Variants in SPMIP7 observed in about 807,000 individuals in gnomAD.
SPMIP7 encodes protein SPMIP7.
the SPMIP7 span, among the ~76,000 whole-genome samples, chr7:50,116,659 T>C: frequency 6.6e-6 from 1 of 152,328 alleles, no homozygotes; most frequent in Middle Eastern, 3.4e-3. Context: ...TTAAAAAGTT[T>C]AGAGCTTCCT....
the SPMIP7 span, among the ~76,000 whole-genome samples, chr7:50,145,630 A>ATG: frequency 2.4e-5 from 2 of 84,180 alleles, 1 homozygote; most frequent in Non-Finnish European, 4.5e-5. Context: ...ATATATATAT[A>ATG]TATATATATA....
chr7:50,105,536 C>T, the SPMIP7 span, among the ~76,000 whole-genome samples: 5 of 152,216 alleles, frequency 3.3e-5, no homozygotes, highest in East Asian at 3.9e-4. Flanking sequence ...TGGGGCATAC[C>T]TCTCACATAT....
chr7:50,140,055 G>T, the SPMIP7 span: 2 of 932,798 alleles, frequency 2.1e-6, no homozygotes, highest in East Asian at 3.0e-5. Context: ...GAAGGCTTTT[G>T]TCTTAATTAG....
chr7:50,123,347 C>A, the SPMIP7 span, among the ~76,000 whole-genome samples: 1 of 136,220 alleles, frequency 7.3e-6, no homozygotes, highest in African/African-American at 2.8e-5. Flanking sequence ...TATTCTCACT[C>A]ATAGGTGGGA....
At chr7:50,146,284 A>G in the SPMIP7 span, among the ~76,000 whole-genome samples, 5 of 152,188 alleles carry the variant, frequency 3.3e-5, no homozygotes, top group Non-Finnish European at 7.4e-5. Flanking sequence ...AGCCAAGATC[A>G]CTCATTTCAT....
chr7:50,119,933 G>A, the SPMIP7 span, among the ~76,000 whole-genome samples: 1 of 152,110 alleles, frequency 6.6e-6, no homozygotes, highest in South Asian at 2.1e-4. Context: ...TAAATTACTC[G>A]CTGAACCTGG....
At chr7:50,107,390 A>AAAAAAAAAAAAG in the SPMIP7 span, among the ~76,000 whole-genome samples, 1 of 79,780 alleles carries the variant, frequency 1.3e-5, no homozygotes, top group Non-Finnish European at 2.5e-5. Flanking sequence ...AAAAAAGAAA[A>AAAAAAAAAAAAG]GAAAAGAAAA....
chr7:50,106,508 T>A, the SPMIP7 span, among the ~76,000 whole-genome samples: 1 of 152,208 alleles, frequency 6.6e-6, no homozygotes, highest in Admixed American at 6.5e-5. Context: ...CCTAGACTGC[T>A]CTCATTTCCA....
the SPMIP7 span, among the ~76,000 whole-genome samples, chr7:50,139,538 T>C: frequency 6.6e-6 from 1 of 152,164 alleles, no homozygotes; most frequent in Non-Finnish European, 1.5e-5. Context: ...AAATGGCAAA[T>C]AGCTCAGGGA....
At chr7:50,149,421 G>A in the SPMIP7 span, among the ~76,000 whole-genome samples, 1 of 152,168 alleles carries the variant, frequency 6.6e-6, no homozygotes, top group Non-Finnish European at 1.5e-5. Flanking sequence ...CTAATCCCCA[G>A]AGTGCCCCTA....
the SPMIP7 span, among the ~76,000 whole-genome samples, chr7:50,127,105 C>A: frequency 0.29 from 43,259 of 151,756 alleles, 7,816 homozygotes; most frequent in Non-Finnish European, 0.42. Context: ...TAAATCCACA[C>A]AATTACAACC....
At chr7:50,142,116 T>C in the SPMIP7 span, 2 of 152,138 alleles carry the variant, frequency 1.3e-5, no homozygotes, top group African/African-American at 4.8e-5. Context: ...GATTCTTCCA[T>C]ACATTCTGCA....
the SPMIP7 span, among the ~76,000 whole-genome samples, chr7:50,153,740 G>A: frequency 6.6e-6 from 1 of 152,154 alleles, no homozygotes; most frequent in South Asian, 2.1e-4. Flanking sequence ...AGTGGCTCAG[G>A]CAGTGACTTG....
At chr7:50,145,606 G>GTATGTATATATA in the SPMIP7 span, among the ~76,000 whole-genome samples, 1 of 37,968 alleles carries the variant, frequency 2.6e-5, no homozygotes, top group Non-Finnish European at 5.6e-5. Context: ...GTGTGTGTGT[G>GTATGTATATATA]TATATGTGTG....
the SPMIP7 span, among the ~76,000 whole-genome samples, chr7:50,119,200 C>T: frequency 2.0e-5 from 3 of 152,112 alleles, no homozygotes; most frequent in Non-Finnish European, 4.4e-5. Flanking sequence ...ATATCAAAGG[C>T]TTAAACCTTG....
At chr7:50,126,015 T>C in the SPMIP7 span, among the ~76,000 whole-genome samples, 2 of 152,134 alleles carry the variant, frequency 1.3e-5, no homozygotes, top group Non-Finnish European at 2.9e-5. Context: ...CAATGGGTGA[T>C]GACAGATGTG....
chr7:50,147,884 T>C, the SPMIP7 span, among the ~76,000 whole-genome samples: 1 of 152,176 alleles, frequency 6.6e-6, no homozygotes, highest in Non-Finnish European at 1.5e-5. Flanking sequence ...AAGGCAAAAA[T>C]GAAGACTTCT....
chr7:50,140,659 GGAA>G, the SPMIP7 span, among the ~76,000 whole-genome samples: 2 of 152,180 alleles, frequency 1.3e-5, no homozygotes. Context: ...GTTTTTAGAT[GGAA>G]GAAGAACCTT....
At chr7:50,121,827 T>C in the SPMIP7 span, among the ~76,000 whole-genome samples, 1 of 111,414 alleles carries the variant, frequency 9.0e-6, no homozygotes, top group Non-Finnish European at 1.8e-5. Context: ...CTAATTTTTG[T>C]TTTTTTTCTT....
Sources: gnomAD v4.1 joint callset for allele counts (sites outside exome capture counted in the v4.1 genomes callset) on GRCh38, gnomAD v4.1.1 for gene constraint, MANE v1.5 for transcripts, NCBI Gene and HGNC (gene_info 2026-07-23, HGNC 2026-07-21) for gene names.